The following DDX46 variants were observed in gnomAD, a reference collection of about 807,000 sequenced individuals.
DDX46 encodes DEAD-box helicase 46, also known as probable ATP-dependent RNA helicase DDX46.
A neutral mutation model predicts 134.9 loss-of-function variants in DDX46; 30 were observed. That is an observed-to-expected ratio of 0.22 (90% CI 0.17 to 0.30). The LOEUF is 0.30. DDX46 is among the 10% of genes least tolerant of loss of function. DDX46 has a pLI of 1.00. For synonymous variants in DDX46, 415 were observed against 404.1 expected, an observed-to-expected ratio of 1.03 and a Z score of -0.32; for missense variants, 622 against 1,248.7, an observed-to-expected ratio of 0.50 and a Z score of 7.56.
rs1250259701 is a variant in DDX46, at chr5:134,782,962, T to C, written c.1063T>C (p.Leu355=). 3.7e-6 allele frequency: 6 copies of C among 1,613,676 alleles called. No homozygotes were observed. The highest frequency in any genetic ancestry group is 5.1e-6 in the Non-Finnish European group (6 of 1,179,722). ...MSQEEVNVFR[L]EMEGITVKGK... ...TTTTGTAGAGGTAAATGTGTTTCGA[T>C]TGGAAATGGAGGGCATTACAGTTAA... The change falls in exon 9 of 23, where the codon TTG becomes CTG. Residue 355 remains leucine, a synonymous_variant. Transcript: ENST00000452510.
Position 134,828,574 on chromosome 5 carries a change from T to G in DDX46, c.3052-85T>G, listed in dbSNP as rs569257073. 34 of 865,662 alleles carry G rather than the reference T, an allele frequency of 3.9e-5. No homozygotes were observed. The South Asian group carries it at 7.0e-4, about 18-fold the overall frequency. 53.6% of individuals were successfully genotyped at this position (865,662 alleles called of 1,614,324 possible). A position where few individuals can be genotyped will look rare whatever the true frequency, so the allele number is the denominator to read the frequency against. Reference sequence around the variant, plus strand: ...TCTTAAATATTTCCTTTTGGGTTTGTTTGGTTGGTTGGTTGGTTCGTTTTT... The same window carrying G: ...TCTTAAATATTTCCTTTTGGGTTTGGTTGGTTGGTTGGTTGGTTCGTTTTT... On this transcript the variant is annotated intron_variant, in intron 22 of 22. Transcript: ENST00000452510.
At chr5:134,791,253 A>G (rs1754494653) in intron 13 of DDX46, among the ~76,000 whole-genome samples, 1 of 152,258 alleles carries the variant, frequency 6.6e-6, no homozygotes, top group Non-Finnish European at 1.5e-5. Flanking sequence ...TATCTAGCTT[A>G]GGTTTTTATG....
At chr5:134,786,801 C>T (rs939327115) in intron 11 of DDX46, among the ~76,000 whole-genome samples, 4 of 152,102 alleles carry the variant, frequency 2.6e-5, no homozygotes, top group Admixed American at 1.3e-4. Context: ...GCTGAGATCA[C>T]GCCACTGCAC....
At chr5:134,762,974 G>T (rs2150127776) in intron 1 of DDX46, among the ~76,000 whole-genome samples, 1 of 152,174 alleles carries the variant, frequency 6.6e-6, no homozygotes, top group African/African-American at 2.4e-5. Context: ...CAGGAGAATG[G>T]TGTGAACCCG....
intron 11 of DDX46, among the ~76,000 whole-genome samples, chr5:134,787,197 C>T (rs549896695): frequency 1.4e-4 from 22 of 152,008 alleles, no homozygotes; most frequent in African/African-American, 2.4e-4. Flanking sequence ...GTAACACCTC[C>T]GAAAGGTATA....
intron 19 of DDX46, 99 bp from the exon 20 acceptor site, chr5:134,817,397 A>G (rs1755313081): frequency 1.7e-6 from 2 of 1,172,658 alleles, no homozygotes; most frequent in Non-Finnish European, 2.4e-6. Context: ...TTAAACTTGC[A>G]TACAAAGTTA....
At chr5:134,771,072 T>C in intron 4 of DDX46, 73 bp downstream of exon 4, 2 of 458,728 alleles carry the variant, frequency 4.4e-6, no homozygotes, top group Non-Finnish European at 3.6e-6. Context: ...TTTCTTTCCC[T>C]CTTTCTTTCT....
At chr5:134,775,051 C>T (rs191958306) in intron 5 of DDX46, among the ~76,000 whole-genome samples, 5 of 152,154 alleles carry the variant, frequency 3.3e-5, no homozygotes, top group Admixed American at 1.3e-4. Context: ...AACTCCTGAC[C>T]TCAGGTGATC....
At chr5:134,789,978 A>G (rs1754456763) in intron 12 of DDX46, 3 of 402,814 alleles carry the variant, frequency 7.4e-6, no homozygotes, top group South Asian at 3.7e-5. Context: ...TGCCCATTTA[A>G]GAAGCTTCTA....
At chr5:134,760,207 T>C (rs985274992) in intron 1 of DDX46, among the ~76,000 whole-genome samples, 1 of 152,194 alleles carries the variant, frequency 6.6e-6, no homozygotes, top group African/African-American at 2.4e-5. Flanking sequence ...ATTTAAACTC[T>C]ATGACAGCCT....
At chr5:134,781,280 AC>A in intron 7 of DDX46, 34 bp downstream of exon 7, 2 of 1,501,336 alleles carry the variant, frequency 1.3e-6, no homozygotes, top group Non-Finnish European at 1.8e-6. Flanking sequence ...TGTTTATGAT[AC>A]TATCCTGGAA....
chr5:134,795,220 GT>G (rs3069322), intron 14 of DDX46, among the ~76,000 whole-genome samples: 4 of 104,384 alleles, frequency 3.8e-5, no homozygotes, highest in Non-Finnish European at 8.4e-5. Flanking sequence ...TTTTTTTTTT[GT>G]TTTTTTTTTG....
intron 1 of DDX46, among the ~76,000 whole-genome samples, chr5:134,762,779 G>C (rs564829817): frequency 6.6e-6 from 1 of 151,890 alleles, no homozygotes; most frequent in East Asian, 1.9e-4. Context: ...CTGAGTGGCC[G>C]GGCGCAGTGG....
At chr5:134,825,073 A>G (rs946790294) in intron 21 of DDX46, among the ~76,000 whole-genome samples, 2 of 152,244 alleles carry the variant, frequency 1.3e-5, no homozygotes, top group Admixed American at 6.5e-5. Flanking sequence ...GAAGTTACAT[A>G]AGTCAGAATT....
intron 20 of DDX46, 113 bp downstream of exon 20, chr5:134,817,827 A>T: frequency 1.2e-6 from 1 of 830,568 alleles, no homozygotes; most frequent in Non-Finnish European, 1.9e-6. Flanking sequence ...CTCTTTACCT[A>T]AATGGAGGAT....
chr5:134,770,870 A>G (rs762106741), intron 3 of DDX46, 33 bp from the exon 4 acceptor site: 14 of 1,543,910 alleles, frequency 9.1e-6, no homozygotes, highest in Non-Finnish European at 1.2e-5. Context: ...CAAATGAATG[A>G]CATTTCTCTT....
chr5:134,765,357 A>G (rs1753534151), intron 2 of DDX46, among the ~76,000 whole-genome samples: 1 of 150,170 alleles, frequency 6.7e-6, no homozygotes, highest in Non-Finnish European at 1.5e-5. Context: ...CAGCCTGGCC[A>G]ACATGGTGAA....
intron 2 of DDX46, among the ~76,000 whole-genome samples, chr5:134,765,882 CAATT>C (rs1753552863): frequency 1.3e-5 from 2 of 152,168 alleles, no homozygotes; most frequent in Admixed American, 6.5e-5. Flanking sequence ...CAATTTCACA[CAATT>C]AATTCAAGTA....
intron 5 of DDX46, among the ~76,000 whole-genome samples, chr5:134,776,913 C>CA (rs59477051): frequency 0.027 from 2,087 of 78,040 alleles, 17 homozygotes; most frequent in Middle Eastern, 0.043. Context: ...GACTCTGTCT[C>CA]AAAAAAAAAA....
Sources: gnomAD v4.1 joint callset for allele counts (sites outside exome capture counted in the v4.1 genomes callset) on GRCh38, gnomAD v4.1.1 for gene constraint, MANE v1.5 for transcripts, NCBI Gene and HGNC (gene_info 2026-07-23, HGNC 2026-07-21) for gene names.